CNTN3: variants seen among roughly 807,000 people sequenced by gnomAD.
The protein encoded by CNTN3 is contactin 3, also known as contactin-3.
CNTN3 carries 60 observed loss-of-function variants against 119.1 expected under a neutral mutation model. The ratio of observed to expected loss-of-function variants is 0.50; its 90% CI spans 0.41 to 0.62. The LOEUF is 0.62. Ranked by LOEUF, CNTN3 falls within the 20% of genes least tolerant of loss-of-function variation. The pLI, the probability that CNTN3 is intolerant of heterozygous loss-of-function variation, is 0.00. For synonymous variants in CNTN3, 450 were observed against 438.7 expected (o/e 1.03, Z -0.32); for missense variants, 1,101 against 1,242.4 (o/e 0.89, Z 1.71).
intron 1 of CNTN3, among the ~76,000 whole-genome samples, chr3:74,601,188 C>G (rs918722291): frequency 3.9e-5 from 6 of 152,122 alleles, no homozygotes; most frequent in Non-Finnish European, 8.8e-5. Context: ...CTGGCCTTAT[C>G]TCATGGATTC....
Position 74,424,870 on chromosome 3 carries a change from G to A in CNTN3, c.429C>T (p.Leu143=), listed in dbSNP as rs550706055. 6.2e-7 allele frequency: 1 copy of A among 1,613,686 alleles called. No homozygotes were observed. The highest frequency in any genetic ancestry group is 8.5e-7 in the Non-Finnish European group (1 of 1,179,770). ...CTCCAGAGTGTGGTGGGGGGCCGCAGAGCAGCACAACTCCCTGGCCTTCAC... is the reference window on the plus strand; with the variant it reads ...CTCCAGAGTGTGGTGGGGGGCCGCAAAGCAGCACAACTCCCTGGCCTTCAC... ...SVREGQGVVL[L]CGPPPHSGEL... Residue 143 remains leucine, a synonymous_variant, in exon 5 of 23, where the codon CTC becomes CTT. Transcript: ENST00000263665.
At chr3:74,360,194 T>A (rs548480879) in intron 11 of CNTN3, among the ~76,000 whole-genome samples, 3 of 152,364 alleles carry the variant, frequency 2.0e-5, no homozygotes, top group East Asian at 3.9e-4. Flanking sequence ...AACCTGGTCA[T>A]GTGCAATCTG....
intron 4 of CNTN3, among the ~76,000 whole-genome samples, chr3:74,471,973 T>C (rs1285793202): frequency 6.6e-6 from 1 of 152,250 alleles, no homozygotes; most frequent in Non-Finnish European, 1.5e-5. Context: ...TCCTGCTCAC[T>C]GAATAAATGA....
At chr3:74,554,946 T>C (rs1220445945) in intron 1 of CNTN3, among the ~76,000 whole-genome samples, 2 of 152,208 alleles carry the variant, frequency 1.3e-5, no homozygotes, top group Non-Finnish European at 2.9e-5. Context: ...CTTCCAATAC[T>C]ATGTTGAATA....
At chr3:74,305,663 C>T (rs186908586) in intron 13 of CNTN3, among the ~76,000 whole-genome samples, 4 of 150,848 alleles carry the variant, frequency 2.7e-5, no homozygotes, top group South Asian at 2.1e-4. Flanking sequence ...TGATCATGAC[C>T]GATCATATGA....
intron 4 of CNTN3, among the ~76,000 whole-genome samples, chr3:74,431,671 C>T (rs1347982027): frequency 1.3e-5 from 2 of 152,000 alleles, no homozygotes; most frequent in African/African-American, 4.8e-5. Context: ...CAATTGGGCA[C>T]ATAAATATTA....
rs541124490 is a variant in CNTN3 at position 74,369,177 on chromosome 3, G to A, written c.946+12C>T. On this transcript the variant is annotated intron_variant, in intron 8 of 22. Transcript: ENST00000263665. ...AAGCTAAAACTCCAATTTGCCCAAAGCAGATGCTCACCATAGTAAGTGAGA... is the reference window on the plus strand; with the variant it reads ...AAGCTAAAACTCCAATTTGCCCAAAACAGATGCTCACCATAGTAAGTGAGA... 1 of 1,573,772 alleles carries A rather than the reference G, an allele frequency of 6.4e-7. No individual in the cohort carries two copies. Among genetic ancestry groups the A allele is most frequent in the Admixed American group, 1.9e-5 (1 of 52,714 alleles).
chr3:74,558,827 CA>C (rs1246904735), intron 1 of CNTN3, among the ~76,000 whole-genome samples: 1 of 151,506 alleles, frequency 6.6e-6, no homozygotes, highest in East Asian at 1.9e-4. Context: ...ACTAAAAATA[CA>C]AAAAAATTAG....
At chr3:74,270,881 G>C (rs574150354) in intron 20 of CNTN3, among the ~76,000 whole-genome samples, 3 of 152,002 alleles carry the variant, frequency 2.0e-5, no homozygotes, top group Admixed American at 6.5e-5. Context: ...AGAAAAAACT[G>C]GTAAAAAACT....
chr3:74,601,384 C>T (rs1167892697), intron 1 of CNTN3, among the ~76,000 whole-genome samples: 1 of 152,072 alleles, frequency 6.6e-6, no homozygotes, highest in Non-Finnish European at 1.5e-5. Context: ...ACTACATTTC[C>T]AAATACATAT....
chr3:74,564,413 A>G (rs939169591), intron 1 of CNTN3, among the ~76,000 whole-genome samples: 3 of 151,958 alleles, frequency 2.0e-5, no homozygotes, highest in Non-Finnish European at 4.4e-5. Context: ...AATTCCAAAA[A>G]CAAGAGAAGC....
intron 14 of CNTN3, among the ~76,000 whole-genome samples, 173 bp downstream of exon 14, chr3:74,302,517 T>C (rs1261952053): frequency 6.6e-6 from 1 of 152,192 alleles, no homozygotes; most frequent in Non-Finnish European, 1.5e-5. Context: ...TTGAGATTTT[T>C]ATTTCTTTGA....
chr3:74,339,932 T>C (rs1279874404), intron 11 of CNTN3, among the ~76,000 whole-genome samples: 2 of 135,328 alleles, frequency 1.5e-5, no homozygotes, highest in Non-Finnish European at 3.3e-5. Context: ...GATAGATAGA[T>C]AGATAGATAG....
chr3:74,393,918 C>A (rs1704980506), intron 5 of CNTN3, among the ~76,000 whole-genome samples: 1 of 152,070 alleles, frequency 6.6e-6, no homozygotes, highest in South Asian at 2.1e-4. Context: ...ACTTGTGATT[C>A]AAAGCACTTA....
intron 20 of CNTN3, among the ~76,000 whole-genome samples, chr3:74,268,612 G>A (rs656571): frequency 0.41 from 62,429 of 151,980 alleles, 14,871 homozygotes; most frequent in African/African-American, 0.67. Context: ...TCTGTGATGT[G>A]AGTATTCACA....
At chr3:74,411,310 A>G (rs1021013980) in intron 5 of CNTN3, among the ~76,000 whole-genome samples, 2 of 152,098 alleles carry the variant, frequency 1.3e-5, no homozygotes, top group African/African-American at 2.4e-5. Context: ...CCTTTAGAGC[A>G]CTCGGCAGAG....
chr3:74,474,510 T>C (rs1005134115), intron 4 of CNTN3, among the ~76,000 whole-genome samples: 2 of 152,104 alleles, frequency 1.3e-5, no homozygotes, highest in Non-Finnish European at 2.9e-5. Context: ...ATTATTATTT[T>C]TGACAGCAAG....
At chr3:74,581,017 C>T (rs1013894191) in intron 1 of CNTN3, among the ~76,000 whole-genome samples, 2 of 152,204 alleles carry the variant, frequency 1.3e-5, no homozygotes, top group Non-Finnish European at 2.9e-5. Context: ...CCACCATGCT[C>T]AGCATGACTT....
chr3:74,428,167 C>T (rs1027300997), intron 4 of CNTN3, among the ~76,000 whole-genome samples: 3 of 151,808 alleles, frequency 2.0e-5, no homozygotes, highest in African/African-American at 7.3e-5. Context: ...TTATGTATAG[C>T]ATATAATGCT....
Sources: gnomAD v4.1 joint callset for allele counts (sites outside exome capture counted in the v4.1 genomes callset) on GRCh38, gnomAD v4.1.1 for gene constraint, MANE v1.5 for transcripts, NCBI Gene and HGNC (gene_info 2026-07-23, HGNC 2026-07-21) for gene names.